Variants in PXDNL observed in about 807,000 individuals in gnomAD.
PXDNL encodes peroxidasin like.
PXDNL carries 145 observed loss-of-function variants against 150.8 expected under a neutral mutation model. That is an observed-to-expected ratio of 0.96 (90% CI 0.84 to 1.10). PXDNL has a LOEUF of 1.10. Among genes scored for constraint, PXDNL ranks in the 50% least tolerant of loss-of-function variants. The pLI is 0.00. For synonymous variants in PXDNL, 757 were observed against 725.7 expected (o/e 1.04, Z -0.69); for missense variants, 2,087 against 1,873.9 (o/e 1.11, Z -2.10).
chr8:51,450,241 G>A (rs548009688), intron 10 of PXDNL, among the ~76,000 whole-genome samples: 10 of 152,128 alleles, frequency 6.6e-5, no homozygotes, highest in Non-Finnish European at 1.3e-4. Context: ...CACTGTCATC[G>A]CCATCTTGCT....
In PXDNL at chr8:51,446,985, G is replaced by A. The variant is rs1809690819; in HGVS notation, c.1525+19C>T. On this transcript the variant is annotated intron_variant, in intron 12 of 22. Coordinates refer to ENST00000356297, the MANE Select transcript of PXDNL (RefSeq NM_144651.5). The stretch of plus-strand genomic sequence containing the variant: ...AAGGCACACTTCAGAATGTGAATAT[G>A]AATCACAGTATATATTACCTTTGGG... 6.2e-7 allele frequency: 1 copy of A among 1,612,026 alleles called. No individual in the cohort carries two copies. The highest frequency in any genetic ancestry group is 1.3e-5 in the African/African-American group (1 of 74,836).
intron 1 of PXDNL, among the ~76,000 whole-genome samples, chr8:51,723,940 G>A (rs1466795484): frequency 3.3e-5 from 5 of 152,150 alleles, no homozygotes; most frequent in South Asian, 2.1e-4. Flanking sequence ...TGAACAAGAC[G>A]ACTGTAAGGC....
At chr8:51,443,833 A>G (rs1335959703) in intron 12 of PXDNL, among the ~76,000 whole-genome samples, 1 of 152,184 alleles carries the variant, frequency 6.6e-6, no homozygotes, top group East Asian at 1.9e-4. Context: ...GATTTTTCAG[A>G]TAACTGTAAA....
intron 11 of PXDNL, among the ~76,000 whole-genome samples, chr8:51,447,813 C>T (rs1169727754): frequency 6.6e-6 from 1 of 152,178 alleles, no homozygotes; most frequent in East Asian, 1.9e-4. Context: ...ATAGCTAACC[C>T]TATTGAGCGT....
intron 19 of PXDNL, among the ~76,000 whole-genome samples, chr8:51,370,613 G>C (rs969851297): frequency 1.3e-5 from 2 of 152,114 alleles, no homozygotes; most frequent in Admixed American, 6.6e-5. Flanking sequence ...CGTGACTCAG[G>C]TGTCATTGAG....
rs1193132745 is a variant in PXDNL at position 51,744,928 on chromosome 8, A to AAAAGAAAG, written c.164+64245_164+64252dup. On this transcript the variant is annotated intron_variant, in intron 1 of 22. Transcript: ENST00000356297. ...AAGGAAGGAAGGAAGGAAAGAAAGA[A>AAAAGAAAG]AAAGAAAGAAAGAAAGAAAGAAAGA... Among the ~76,000 whole-genome samples, 144 of 88,320 alleles carry AAAAGAAAG rather than the reference A, an allele frequency of 1.6e-3. 1 individual carries two copies. Among genetic ancestry groups the AAAAGAAAG allele is most frequent in the African/African-American group, 6.3e-3 (137 of 21,726 alleles). The allele number at this position is 88,320 out of a possible 152,430, so 57.9% of individuals were successfully genotyped here.
chr8:51,599,446 T>G (rs897246086), intron 2 of PXDNL, among the ~76,000 whole-genome samples: 32 of 151,646 alleles, frequency 2.1e-4, no homozygotes, highest in African/African-American at 7.2e-4. Context: ...TTCCAATAAT[T>G]TTTTGATTTC....
intron 1 of PXDNL, among the ~76,000 whole-genome samples, chr8:51,771,344 A>G (rs895635168): frequency 6.6e-6 from 1 of 152,250 alleles, no homozygotes; most frequent in Non-Finnish European, 1.5e-5. Flanking sequence ...TTAGAGTTAT[A>G]AAGAGTACAC....
intron 2 of PXDNL, among the ~76,000 whole-genome samples, chr8:51,622,893 T>C (rs1163677024): frequency 6.6e-6 from 1 of 152,164 alleles, no homozygotes; most frequent in African/African-American, 2.4e-5. Context: ...TGGGCCCAGC[T>C]CACCCCAACA....
At chr8:51,363,983 G>T (rs2130761186) in intron 19 of PXDNL, among the ~76,000 whole-genome samples, 1 of 152,274 alleles carries the variant, frequency 6.6e-6, no homozygotes, top group African/African-American at 2.4e-5. Context: ...TGACTGAATT[G>T]TTTTGGTAAA....
intron 6 of PXDNL, among the ~76,000 whole-genome samples, chr8:51,482,397 T>A (rs1055209827): frequency 1.3e-5 from 2 of 152,208 alleles, no homozygotes; most frequent in Non-Finnish European, 2.9e-5. Context: ...TACAGGCTCA[T>A]AGGCAGAAGG....
intron 3 of PXDNL, among the ~76,000 whole-genome samples, chr8:51,589,084 C>T (rs1339063536): frequency 4.0e-5 from 6 of 151,892 alleles, no homozygotes; most frequent in Non-Finnish European, 5.9e-5. Context: ...GGCCCTTTTT[C>T]TCTCTGTCTT....
chr8:51,785,206 T>A (rs1024085236), intron 1 of PXDNL, among the ~76,000 whole-genome samples: 7 of 152,146 alleles, frequency 4.6e-5, no homozygotes, highest in Admixed American at 2.6e-4. Flanking sequence ...CTGTTTTGAT[T>A]TTATTACCAA....
chr8:51,719,494 C>T lies in PXDNL; in HGVS notation c.165-64734G>A, dbSNP rs1041125977. Reference sequence around the variant, plus strand: ...CCCTAATCTCAAGTACCCAGGGACACAAACACTGCGGAAGGCCGCAGGGTC... The same window carrying T: ...CCCTAATCTCAAGTACCCAGGGACATAAACACTGCGGAAGGCCGCAGGGTC... On this transcript the variant is annotated intron_variant, in intron 1 of 22. Coordinates refer to ENST00000356297, the MANE Select transcript of PXDNL (RefSeq NM_144651.5). Among the ~76,000 whole-genome samples the T allele has an allele frequency of 2.0e-5, 3 of 152,228 alleles. No individual in the cohort carries two copies. In the South Asian group the frequency reaches 6.2e-4, roughly 32 times the overall value.
At position 51,388,352 on chromosome 8, in the gene PXDNL, A is replaced by C. The variant is rs1807789411; in HGVS notation, c.3558-13621T>G. 2.6e-5 allele frequency among the ~76,000 whole-genome samples: 4 copies of C among 152,274 alleles called. No individual in the cohort carries two copies. The South Asian group carries it at 8.3e-4, about 32-fold the overall frequency. The stretch of plus-strand genomic sequence containing the variant: ...CTTTCAGTTTGGGAATATATTAATC[A>C]GTCTTTTTTTCAACTTTTTACTTTA... On this transcript the variant is annotated intron_variant, in intron 17 of 22. Transcript: ENST00000356297.
chr8:51,631,337 T>C (rs1305738011), intron 2 of PXDNL, among the ~76,000 whole-genome samples: 1 of 152,128 alleles, frequency 6.6e-6, no homozygotes, highest in African/African-American at 2.4e-5. Flanking sequence ...GGTATGATGC[T>C]CATTAGCTGG....
intron 4 of PXDNL, among the ~76,000 whole-genome samples, chr8:51,509,634 C>T (rs1200501559): frequency 6.6e-6 from 1 of 151,738 alleles, no homozygotes; most frequent in Non-Finnish European, 1.5e-5. Context: ...ACTCAATGAG[C>T]CCAACTGTGA....
At chr8:51,736,073 A>G (rs1471909162) in intron 1 of PXDNL, among the ~76,000 whole-genome samples, 1 of 152,188 alleles carries the variant, frequency 6.6e-6, no homozygotes, top group African/African-American at 2.4e-5. Context: ...TTAAAGTTAG[A>G]CATTTAGAAG....
chr8:51,658,226 T>C (rs976477359), intron 1 of PXDNL, among the ~76,000 whole-genome samples: 2 of 151,104 alleles, frequency 1.3e-5, no homozygotes, highest in Non-Finnish European at 2.9e-5. Flanking sequence ...CCTGTGGTTG[T>C]AGCTACTCAG....
Sources: allele counts gnomAD v4.1 joint callset (sites outside exome capture counted in the v4.1 genomes callset), GRCh38; gene constraint gnomAD v4.1.1; transcripts MANE v1.5; gene names NCBI Gene and HGNC (gene_info 2026-07-23, HGNC 2026-07-21).